Variants in KNDC1 observed in about 807,000 individuals in gnomAD.
The protein encoded by KNDC1 is kinase non-catalytic C-lobe domain-containing protein 1.
A neutral mutation model predicts 172.8 loss-of-function variants in KNDC1; 106 were observed. The ratio of observed to expected loss-of-function variants is 0.61; its 90% CI spans 0.52 to 0.72. KNDC1 has a LOEUF of 0.72. Among genes scored for constraint, KNDC1 ranks in the 30% least tolerant of loss-of-function variants. The pLI, the probability that KNDC1 is intolerant of heterozygous loss-of-function variation, is 0.00. For synonymous variants in KNDC1, 1,083 were observed against 1,062.2 expected (o/e 1.02, Z -0.38); for missense variants, 2,325 against 2,394.5 (o/e 0.97, Z 0.61).
intron 20 of KNDC1, 106 bp from the exon 21 acceptor site, chr10:133,210,505 A>C (rs1395469117): frequency 1.4e-6 from 1 of 701,830 alleles, no homozygotes; most frequent in Admixed American, 1.9e-5. Context: ...AGTGATACTC[A>C]AAGAAAACGC....
chr10:133,174,630 GGGTGGATGGGCA>G (rs762137338), intron 3 of KNDC1, among the ~76,000 whole-genome samples: 28 of 152,132 alleles, frequency 1.8e-4, no homozygotes, highest in Non-Finnish European at 3.7e-4. Context: ...GTGGATAGGT[GGGTGGATGGGCA>G]GGTGGATGGG....
At position 133,210,724 on chromosome 10, in the gene KNDC1, G is replaced by A. The variant is rs745572297; in HGVS notation, c.3908G>A (p.Arg1303Lys). ...GACCGCATCAACAGCACGCTGACCA[G>A]GTACCAAGCTCCACAGCTCCACGCC... is the stretch of plus-strand genomic sequence containing the variant. ...LLDRINSTLT[R>K]AHQDPTSTFT... The change falls in exon 21 of 30, where the codon AGG (arginine) becomes AAG (lysine). Residue 1303 changes from arginine to lysine, a missense_variant and splice_region_variant. Physicochemically the swap from Arg to Lys is conservative, Grantham distance 26. Coordinates refer to ENST00000304613, the MANE Select transcript of KNDC1 (RefSeq NM_152643.8). 25 of 1,610,122 alleles carry A rather than the reference G, an allele frequency of 1.6e-5. No homozygotes were observed. Among genetic ancestry groups the A allele is most frequent in the Non-Finnish European group, 2.0e-5 (23 of 1,176,432 alleles).
In KNDC1 at chr10:133,223,934, C is replaced by CGTGT. The variant is rs369555856; in HGVS notation, c.5019-711_5019-708dup. On this transcript the variant is annotated intron_variant, in intron 29 of 29. Coordinates refer to ENST00000304613, the MANE Select transcript of KNDC1 (RefSeq NM_152643.8). Reference sequence around the variant, plus strand: ...GCCCATCCAGGCATGCTCTTCCCGGCGTGTGTGTGTGTGTGTGAGCCCATC... The same window carrying CGTGT: ...GCCCATCCAGGCATGCTCTTCCCGGCGTGTGTGTGTGTGTGTGTGTGAGCCCATC... Among the ~76,000 whole-genome samples the CGTGT allele has an allele frequency of 4.7e-4, 46 of 97,570 alleles. 1 individual carries two copies. Among genetic ancestry groups the CGTGT allele is most frequent in the African/African-American group, 1.8e-3 (44 of 23,786 alleles). 64.0% of individuals were successfully genotyped at this position (97,570 alleles called of 152,430 possible). A position where few individuals can be genotyped will look rare whatever the true frequency, so the allele number is the denominator to read the frequency against.
chr10:133,219,140 C>T, intron 28 of KNDC1, 50 bp downstream of exon 28: 2 of 1,581,502 alleles, frequency 1.3e-6, no homozygotes, highest in Non-Finnish European at 1.7e-6. Flanking sequence ...GAGGCCCTCT[C>T]CTAAACGAAC....
chr10:133,202,206 C>G (rs750486841), intron 17 of KNDC1: 39 of 656,340 alleles, frequency 5.9e-5, no homozygotes, highest in South Asian at 5.7e-4. Context: ...ATGCTCGTGA[C>G]CAGGTTGCGT....
Position 133,162,297 on chromosome 10 carries a change from C to CA in KNDC1, c.102+1728_102+1729insA, listed in dbSNP as rs1238583383. ...GCTTGGAAGGTTCTGAAATCTCCAT[C>CA]GGGGCACCTGACTTGCATGGGAAAA... On this transcript the variant is annotated intron_variant, in intron 1 of 29. Transcript: ENST00000304613. 1.6e-4 allele frequency among the ~76,000 whole-genome samples: 11 copies of CA among 68,616 alleles called. No homozygotes were observed. In the East Asian group the frequency reaches 4.4e-3, roughly 27 times the overall value. The allele number at this position is 68,616 out of a possible 152,430, so 45.0% of individuals were successfully genotyped here. A position where few individuals can be genotyped will look rare whatever the true frequency, so the allele number is the denominator to read the frequency against.
intron 10 of KNDC1, 148 bp downstream of exon 10, chr10:133,195,969 C>T (rs868416332): frequency 1.5e-5 from 13 of 848,856 alleles, no homozygotes; most frequent in Middle Eastern, 3.7e-4. Flanking sequence ...TGTTTCTAGA[C>T]GTCGGCCTGG....
rs777607653 is a variant in KNDC1, at chr10:133,183,417, G to A, written c.434G>A (p.Arg145Lys). 5.0e-6 allele frequency: 8 copies of A among 1,604,456 alleles called. No individual in the cohort carries two copies. The South Asian group carries it at 7.8e-5, about 16-fold the overall frequency. ...GTGGCAGAGCCCACACTGGAACCCAGGCTGAGCCAAGACCTCGAGGCGCTG... is the reference window on the plus strand; with the variant it reads ...GTGGCAGAGCCCACACTGGAACCCAAGCTGAGCCAAGACCTCGAGGCGCTG... ...EYVAEPTLEP[R>K]LSQDLEALLS... Residue 145 changes from arginine to lysine, a missense_variant, in exon 4 of 30, where the codon AGG becomes AAG. Coordinates refer to ENST00000304613, the MANE Select transcript of KNDC1 (RefSeq NM_152643.8).
chr10:133,223,654 A>T (rs1473475375), intron 29 of KNDC1, among the ~76,000 whole-genome samples: 1 of 78,358 alleles, frequency 1.3e-5, no homozygotes, highest in African/African-American at 5.7e-5. Flanking sequence ...TGTGTGTGTG[A>T]GAGCCCATCC....
intron 3 of KNDC1, among the ~76,000 whole-genome samples, chr10:133,177,986 AG>A (rs1257926188): frequency 2.8e-5 from 4 of 140,526 alleles, no homozygotes; most frequent in Non-Finnish European, 6.1e-5. Context: ...ATGTGTGTGC[AG>A]TGTGGTGTGC....
At chr10:133,216,368 G>A (rs982517459) in intron 26 of KNDC1, among the ~76,000 whole-genome samples, 2 of 152,158 alleles carry the variant, frequency 1.3e-5, no homozygotes, top group Non-Finnish European at 1.5e-5. Flanking sequence ...AAGAAACAGC[G>A]TAAAATTTCT....
At position 133,198,352 on chromosome 10, in the gene KNDC1, A is replaced by G; in HGVS notation, c.1922A>G (p.Asn641Ser). Residue 641 changes from asparagine to serine, a missense_variant, in exon 13 of 30, where the codon AAC (asparagine) becomes AGC (serine). Transcript: ENST00000304613. ...GGCTCCCCAGGCTTCCTGCCGGTGA[A>G]CAGCGACACCGGGCTTGTGGCTGTG... ...PEPSPGFLPV[N>S]SDTGLVAVPG... 1 of 1,586,054 alleles carries G rather than the reference A, an allele frequency of 6.3e-7. No homozygotes were observed. The highest frequency in any genetic ancestry group is 8.6e-7 in the Non-Finnish European group (1 of 1,167,176).
intron 13 of KNDC1, 22 bp downstream of exon 13, chr10:133,198,521 C>G (rs1041008544): frequency 2.3e-5 from 36 of 1,589,302 alleles, no homozygotes; most frequent in Non-Finnish European, 2.6e-5. Flanking sequence ...CCCCACACCC[C>G]GGAGCTGCTG....
intron 29 of KNDC1, among the ~76,000 whole-genome samples, chr10:133,221,709 A>G (rs1318766428): frequency 6.6e-6 from 1 of 152,276 alleles, no homozygotes; most frequent in Non-Finnish European, 1.5e-5. Context: ...TTTAAAAACA[A>G]TAATTATAAT....
At chr10:133,200,277 TCC>T (rs2135999663) in intron 15 of KNDC1, 96 bp from the exon 16 acceptor site, 16 of 869,332 alleles carry the variant, frequency 1.8e-5, no homozygotes, top group Non-Finnish European at 2.7e-5. Context: ...CAGCGAGAGC[TCC>T]GCATAGACGT....
At position 133,213,043 on chromosome 10, in the gene KNDC1, C is replaced by G. The variant is rs1375150501; in HGVS notation, c.4443+121C>G. 5.7e-6 allele frequency: 5 copies of G among 882,690 alleles called. No individual in the cohort carries two copies. In the East Asian group the frequency reaches 1.3e-4, roughly 23 times the overall value. The allele number at this position is 882,690 out of a possible 1,614,324, so 54.7% of individuals were successfully genotyped here. ...AACAGACGGGCAGAGAAGGGGCCAGCTGCCAGGTGCACAGGTTGGGGGTGG... is the reference window on the plus strand; with the variant it reads ...AACAGACGGGCAGAGAAGGGGCCAGGTGCCAGGTGCACAGGTTGGGGGTGG... On this transcript the variant is annotated intron_variant, in intron 24 of 29. Transcript: ENST00000304613.
At position 133,183,992 on chromosome 10, in the gene KNDC1, G is replaced by T; in HGVS notation, c.625+3G>T. 1 of 1,553,572 alleles carries T rather than the reference G, an allele frequency of 6.4e-7. No homozygotes were observed. The highest frequency in any genetic ancestry group is 8.8e-7 in the Non-Finnish European group (1 of 1,139,308). Reference sequence around the variant, plus strand: ...CGAGTCCTTCGGAGCGCTGCAGGGTGAGTTCTTGAACCCACACACGTGCAT... The same window carrying T: ...CGAGTCCTTCGGAGCGCTGCAGGGTTAGTTCTTGAACCCACACACGTGCAT... On this transcript the variant is annotated splice_donor_region_variant and intron_variant, in intron 5 of 29. Coordinates refer to ENST00000304613, the MANE Select transcript of KNDC1 (RefSeq NM_152643.8).
At chr10:133,166,802 G>T (rs904269816) in intron 1 of KNDC1, among the ~76,000 whole-genome samples, 1 of 152,204 alleles carries the variant, frequency 6.6e-6, no homozygotes, top group Admixed American at 6.5e-5. Flanking sequence ...GAGCCCTCGC[G>T]GAGTCCAGGA....
rs755316584 is a variant in KNDC1 at position 133,200,470 on chromosome 10, G to C, written c.2989+10G>C. On this transcript the variant is annotated intron_variant, in intron 16 of 29. Coordinates refer to ENST00000304613, the MANE Select transcript of KNDC1 (RefSeq NM_152643.8). ...TCGCTGCACCGCCTGGGTAAGTGCT[G>C]GGCGGGCCCCGCGGCAGGAGCTCTG... The C allele has an allele frequency of 1.7e-5, 26 of 1,532,818 alleles. No homozygotes were observed. The Admixed American group carries it at 5.1e-4, about 30-fold the overall frequency. 95.0% of individuals were successfully genotyped at this position (1,532,818 alleles called of 1,614,324 possible).
Sources: allele counts gnomAD v4.1 joint callset (sites outside exome capture counted in the v4.1 genomes callset), GRCh38; gene constraint gnomAD v4.1.1; transcripts MANE v1.5; gene names NCBI Gene and HGNC (gene_info 2026-07-23, HGNC 2026-07-21).